Variants in RHOQ observed in about 807,000 individuals in gnomAD.
RHOQ encodes the protein ras homolog family member Q.
Under a neutral mutation model 25.8 loss-of-function variants are expected in RHOQ, and 7 were observed. That is an observed-to-expected ratio of 0.27 (90% confidence interval 0.15 to 0.51). The LOEUF is 0.51. Ranked by LOEUF, RHOQ falls within the 20% of genes least tolerant of loss-of-function variation. The pLI is 0.97. For synonymous variants in RHOQ, 97 were observed against 98.6 expected (o/e 0.98, Z 0.10); for missense variants, 165 against 260.6 (o/e 0.63, Z 2.53).
chr2:46,559,692 C>T (rs1026591408), intron 2 of RHOQ, among the ~76,000 whole-genome samples: 2 of 152,204 alleles, frequency 1.3e-5, no homozygotes, highest in Non-Finnish European at 2.9e-5. Flanking sequence ...CCTGGGGCAA[C>T]ACCAGTCCTC....
intron 2 of RHOQ, among the ~76,000 whole-genome samples, chr2:46,546,347 A>C (rs754969543): frequency 3.3e-5 from 5 of 150,896 alleles, no homozygotes; most frequent in Non-Finnish European, 7.4e-5. Flanking sequence ...TCCATATCAG[A>C]TTTGTCTTAC....
chr2:46,544,086 A>G (rs1285998616), intron 2 of RHOQ, among the ~76,000 whole-genome samples: 1 of 151,492 alleles, frequency 6.6e-6, no homozygotes, highest in Non-Finnish European at 1.5e-5. Context: ...GTGGGTCCCA[A>G]CTCCTGTTGC....
intron 2 of RHOQ, among the ~76,000 whole-genome samples, chr2:46,562,113 G>A (rs957257351): frequency 6.6e-6 from 1 of 152,272 alleles, no homozygotes; most frequent in Admixed American, 6.5e-5. Flanking sequence ...GCAGCACAGG[G>A]TGGGGATGAG....
rs1001201259 is a variant in RHOQ at position 46,583,961 on chromosome 2, T to C, written c.*2878T>C. On this transcript the variant is annotated 3_prime_UTR_variant, in exon 5 of 5. Transcript: ENST00000238738. ...CCTGAAATTTTATTTAATACTTTGC[T>C]AACTTACACTCTTGTTTTATCTCCA... Among the ~76,000 whole-genome samples, 1 of 152,208 alleles carries C rather than the reference T, an allele frequency of 6.6e-6. No homozygotes were observed. Among genetic ancestry groups the C allele is most frequent in the African/African-American group, 2.4e-5 (1 of 41,474 alleles).
At chr2:46,550,805 G>T (rs1668217578) in intron 2 of RHOQ, among the ~76,000 whole-genome samples, 2 of 152,178 alleles carry the variant, frequency 1.3e-5, no homozygotes, top group Admixed American at 1.3e-4. Flanking sequence ...GGCTAGCTCT[G>T]GGGGCTTCAC....
At chr2:46,554,067 A>C (rs1320449024) in intron 2 of RHOQ, among the ~76,000 whole-genome samples, 1 of 150,150 alleles carries the variant, frequency 6.7e-6, no homozygotes, top group East Asian at 1.9e-4. Flanking sequence ...TTACTTAATC[A>C]TCTCCAGTTC....
intron 2 of RHOQ, among the ~76,000 whole-genome samples, chr2:46,572,118 T>TTTTG (rs1668943587): frequency 7.3e-6 from 1 of 136,252 alleles, no homozygotes; most frequent in African/African-American, 2.9e-5. Context: ...TTTTTTTTTT[T>TTTTG]TTTTTTTTTT....
In RHOQ at chr2:46,552,931, A is replaced by G. The variant is rs1451281625; in HGVS notation, c.201+9119A>G. ...TAAGTTGAGTAAGGTTGTTTCCACG[A>G]AAGTTGTTTTTTAGCTGGAGAAAGT... On this transcript the variant is annotated intron_variant, in intron 2 of 4. Transcript: ENST00000238738. This position sits in a 1 kb window ranked among gnomAD's most constrained non-coding sequence, Gnocchi z 5.0. Among the ~76,000 whole-genome samples, 1 of 152,194 alleles carries G rather than the reference A, an allele frequency of 6.6e-6. No homozygotes were observed. Among genetic ancestry groups the G allele is most frequent in the Non-Finnish European group, 1.5e-5 (1 of 68,028 alleles).
chr2:46,558,609 G>A (rs1668473820), intron 2 of RHOQ, among the ~76,000 whole-genome samples: 1 of 152,054 alleles, frequency 6.6e-6, no homozygotes, highest in South Asian at 2.1e-4. Flanking sequence ...CACAATCATA[G>A]GCTTTGGGGT....
chr2:46,553,875 C>T (rs1433889496), intron 2 of RHOQ, among the ~76,000 whole-genome samples: 1 of 152,146 alleles, frequency 6.6e-6, no homozygotes, highest in Non-Finnish European at 1.5e-5. Context: ...CCGTGCCTGG[C>T]CCTAACTATT....
At chr2:46,563,968 A>T (rs544741913) in intron 2 of RHOQ, among the ~76,000 whole-genome samples, 1 of 151,660 alleles carries the variant, frequency 6.6e-6, no homozygotes, top group African/African-American at 2.4e-5. Flanking sequence ...TATTTTTTTT[A>T]AATTGAGGTG....
rs1218687040 is a variant in RHOQ, at chr2:46,582,200, C to T, written c.*1117C>T. On this transcript the variant is annotated 3_prime_UTR_variant, in exon 5 of 5. Transcript: ENST00000238738. ...CTTCCAGAGACCCCTTTTCTCCAGC[C>T]ATATTACATCAGGCTAGAAGTAATT... 1 of 150,898 alleles carries T rather than the reference C, an allele frequency of 6.6e-6. No individual in the cohort carries two copies. The highest frequency in any genetic ancestry group is 2.4e-5 in the African/African-American group (1 of 40,902). 9.3% of individuals were successfully genotyped at this position (150,898 alleles called of 1,614,324 possible). A position where few individuals can be genotyped will look rare whatever the true frequency, so the allele number is the denominator to read the frequency against.
intron 2 of RHOQ, among the ~76,000 whole-genome samples, chr2:46,564,684 G>C (rs1182957121): frequency 6.6e-6 from 1 of 152,206 alleles, no homozygotes; most frequent in Admixed American, 6.5e-5. Context: ...GTAGTTACCA[G>C]GGTCTTCTCT....
rs566917162 is a variant in RHOQ at position 46,581,028 on chromosome 2, A to T, written c.563A>T (p.His188Leu). 1.8e-5 allele frequency: 29 copies of T among 1,591,140 alleles called. No homozygotes were observed. The African/African-American group carries it at 3.3e-4, about 18-fold the overall frequency. ...ATAGCCATTTTAACTCCAAAGAAAC[A>T]CACTGTAAAAAAAAGAATAGGATCA... is the stretch of plus-strand genomic sequence containing the variant. ...AIIAILTPKK[H>L]TVKKRIGSRC... is the part of the protein sequence containing the mutation. The change falls in exon 5 of 5, where the codon CAC becomes CTC. Residue 188 changes from histidine to leucine, a missense_variant. Transcript: ENST00000238738.
Position 46,584,232 on chromosome 2 carries a change from G to C in RHOQ, c.*3149G>C, listed in dbSNP as rs559393190. The stretch of plus-strand genomic sequence containing the variant: ...ATACTATGCATAGTTTACTATCTAC[G>C]TAAAGCACTGAACTTTTTACCTTAG... On this transcript the variant is annotated 3_prime_UTR_variant, in exon 5 of 5. Transcript: ENST00000238738. Among the ~76,000 whole-genome samples, 2 of 152,086 alleles carry C rather than the reference G, an allele frequency of 1.3e-5. No individual in the cohort carries two copies. The highest frequency in any genetic ancestry group is 4.8e-5 in the African/African-American group (2 of 41,496).
chr2:46,543,461 A>G, intron 1 of RHOQ: 1 of 596,132 alleles, frequency 1.7e-6, no homozygotes, highest in Non-Finnish European at 3.0e-6. Context: ...TGACCTTCCC[A>G]CATCCCCTTT....
At position 46,560,613 on chromosome 2, in the gene RHOQ, G is replaced by A. The variant is rs1183035644; in HGVS notation, c.202-15474G>A. The A allele has an allele frequency of 1.8e-5, 8 of 456,110 alleles. No homozygotes were observed. In the East Asian group the frequency reaches 2.1e-4, roughly 12 times the overall value. 28.3% of individuals were successfully genotyped at this position (456,110 alleles called of 1,614,324 possible). A position where few individuals can be genotyped will look rare whatever the true frequency, so the allele number is the denominator to read the frequency against. ...ACGTGATCACGTTTTCCTTCCATACGAGAGCATGGGTTTCCAGTGGCCAGG... is the reference window on the plus strand; with the variant it reads ...ACGTGATCACGTTTTCCTTCCATACAAGAGCATGGGTTTCCAGTGGCCAGG... On this transcript the variant is annotated intron_variant, in intron 2 of 4. Transcript: ENST00000238738.
chr2:46,563,518 G>A (rs979996827), intron 2 of RHOQ, among the ~76,000 whole-genome samples: 1 of 152,200 alleles, frequency 6.6e-6, no homozygotes, highest in Non-Finnish European at 1.5e-5. Context: ...GAGCTGGTGG[G>A]AAGAAGATAA....
At chr2:46,563,959 A>G (rs1558687915) in intron 2 of RHOQ, among the ~76,000 whole-genome samples, 1 of 151,392 alleles carries the variant, frequency 6.6e-6, no homozygotes, top group East Asian at 2.0e-4. Context: ...CCCTGTGTGT[A>G]TTTTTTTTAA....
Sources: allele counts gnomAD v4.1 joint callset (sites outside exome capture counted in the v4.1 genomes callset), GRCh38; gene constraint gnomAD v4.1.1; non-coding constraint Gnocchi (gnomAD v3.1); transcripts MANE v1.5; gene names NCBI Gene and HGNC (gene_info 2026-07-23, HGNC 2026-07-21).